Variants in XPO6 observed in about 807,000 individuals in gnomAD.
XPO6 encodes exportin 6, also known as exportin-6.
In XPO6, 3 loss-of-function variants were observed where a neutral mutation model predicts 130.0. The ratio of observed to expected loss-of-function variants is 0.02; its 90% CI spans 0.01 to 0.06. The LOEUF (loss-of-function observed/expected upper bound fraction) is 0.06. XPO6 is among the 10% of genes least tolerant of loss of function. XPO6 has a pLI of 1.00. For synonymous variants in XPO6, 524 were observed against 548.9 expected (o/e 0.95, Z 0.63); for missense variants, 970 against 1,393.0 (o/e 0.70, Z 4.83).
intron 1 of XPO6, among the ~76,000 whole-genome samples, chr16:28,185,674 A>G (rs2043681499): frequency 6.6e-6 from 1 of 152,192 alleles, no homozygotes; most frequent in South Asian, 2.1e-4. Flanking sequence ...CCTGCAGGTA[A>G]CAGTGTGAGC....
chr16:28,198,870 G>A (rs938196240), intron 1 of XPO6, among the ~76,000 whole-genome samples: 15 of 151,542 alleles, frequency 9.9e-5, no homozygotes, highest in Non-Finnish European at 1.5e-4. Context: ...CTGGCCAGGC[G>A]CAGTGGCTCA....
chr16:28,142,057 A>G (rs2042904880), intron 9 of XPO6, among the ~76,000 whole-genome samples: 1 of 152,268 alleles, frequency 6.6e-6, no homozygotes, highest in African/African-American at 2.4e-5. Flanking sequence ...TGAATGATGC[A>G]AAACCTTTAA....
At chr16:28,175,147 CTT>C (rs1329583252) in intron 4 of XPO6, among the ~76,000 whole-genome samples, 1 of 152,034 alleles carries the variant, frequency 6.6e-6, no homozygotes, top group African/African-American at 2.4e-5. Context: ...AGATTCCTCC[CTT>C]CTCTCCCCTC....
chr16:28,147,393 T>C (rs934275800), intron 8 of XPO6, among the ~76,000 whole-genome samples: 2 of 150,348 alleles, frequency 1.3e-5, no homozygotes, highest in African/African-American at 4.9e-5. Context: ...TGAGACTCGG[T>C]GTGTATATTT....
At chr16:28,150,474 T>C (rs758636440) in intron 8 of XPO6, among the ~76,000 whole-genome samples, 14 of 152,186 alleles carry the variant, frequency 9.2e-5, no homozygotes, top group Non-Finnish European at 1.6e-4. Context: ...TCTATTTTCT[T>C]AGGTGAGGAA....
intron 1 of XPO6, among the ~76,000 whole-genome samples, chr16:28,195,229 T>C (rs1484575510): frequency 6.6e-6 from 1 of 151,928 alleles, no homozygotes; most frequent in African/African-American, 2.4e-5. Flanking sequence ...CTTTTGGTGA[T>C]TTTTCCTCCA....
At chr16:28,105,127 G>A (rs2086744912) in intron 20 of XPO6, among the ~76,000 whole-genome samples, 2 of 152,196 alleles carry the variant, frequency 1.3e-5, no homozygotes, top group Non-Finnish European at 2.9e-5. Context: ...GATAAAAAAT[G>A]CTGTCCCACT....
intron 8 of XPO6, among the ~76,000 whole-genome samples, chr16:28,147,648 A>G (rs1352321864): frequency 6.6e-6 from 1 of 152,188 alleles, no homozygotes; most frequent in African/African-American, 2.4e-5. Flanking sequence ...AATAAGCCAC[A>G]TGGAAATGAT....
Position 28,156,489 on chromosome 16 carries a change from C to A in XPO6, c.682G>T (p.Ala228Ser). The part of the protein sequence containing the change: ...LSNLLQSPSS[A>S]KLLNQPIPIL... ...GGAATTGGCTGATTCAACAGTTTGG[C>A]TGAACTGGGACTCTGCAACAGGTTA... The change falls in exon 7 of 24, where the codon GCC (alanine) becomes TCC (serine). Residue 228 changes from alanine to serine, a missense_variant. By Grantham distance (99) the Ala-to-Ser change is moderately conservative. Transcript: ENST00000304658. 2 of 1,596,660 alleles carry A rather than the reference C, an allele frequency of 1.3e-6. No individual in the cohort carries two copies. The highest frequency in any genetic ancestry group is 8.6e-7 in the Non-Finnish European group (1 of 1,168,488).
intron 21 of XPO6, among the ~76,000 whole-genome samples, chr16:28,103,063 T>G (rs2086686655): frequency 6.6e-6 from 1 of 152,186 alleles, no homozygotes; most frequent in Non-Finnish European, 1.5e-5. Context: ...GAGGTTTATC[T>G]TTCTATGAAT....
At chr16:28,131,078 C>T (rs2042659245) in intron 12 of XPO6, among the ~76,000 whole-genome samples, 2 of 152,170 alleles carry the variant, frequency 1.3e-5, no homozygotes, top group African/African-American at 4.8e-5. Flanking sequence ...TTCTACACAG[C>T]CAAATGATTT....
chr16:28,139,214 C>T (rs2042839238), intron 9 of XPO6, among the ~76,000 whole-genome samples: 1 of 152,218 alleles, frequency 6.6e-6, no homozygotes, highest in African/African-American at 2.4e-5. Context: ...AGGGTTCTCT[C>T]CCTCCCTTTC....
intron 4 of XPO6, among the ~76,000 whole-genome samples, chr16:28,170,392 A>G (rs1482867981): frequency 1.3e-5 from 2 of 151,918 alleles, no homozygotes; most frequent in Non-Finnish European, 2.9e-5. Flanking sequence ...CTTTTTAACC[A>G]TTCAAAATAC....
intron 9 of XPO6, among the ~76,000 whole-genome samples, chr16:28,143,666 T>G (rs1180680859): frequency 6.6e-6 from 1 of 152,206 alleles, no homozygotes; most frequent in African/African-American, 2.4e-5. Flanking sequence ...TTAAACAGTC[T>G]CATTCTGTCG....
chr16:28,133,775 T>G, intron 11 of XPO6, 66 bp downstream of exon 11: 1 of 1,468,204 alleles, frequency 6.8e-7, no homozygotes. Flanking sequence ...TCCAGGGGAG[T>G]CAACCAGCCA....
At chr16:28,166,907 G>C in intron 5 of XPO6, 1 of 831,270 alleles carries the variant, frequency 1.2e-6, no homozygotes, top group Non-Finnish European at 1.5e-6. Flanking sequence ...TGGCATTACA[G>C]GCCATTGCCT....
chr16:28,131,886 A>C (rs1300221025), intron 12 of XPO6, among the ~76,000 whole-genome samples: 2 of 152,202 alleles, frequency 1.3e-5, no homozygotes, highest in African/African-American at 4.8e-5. Flanking sequence ...CTTTTCAACC[A>C]GCTCTGGTCA....
chr16:28,117,171 G>A, intron 15 of XPO6, 147 bp downstream of exon 15: 1 of 1,103,436 alleles, frequency 9.1e-7, no homozygotes, highest in Non-Finnish European at 1.3e-6. Flanking sequence ...CAACTAAAAA[G>A]GAACATGAAA....
chr16:28,180,421 G>A (rs1439667759), intron 2 of XPO6, among the ~76,000 whole-genome samples: 1 of 152,058 alleles, frequency 6.6e-6, no homozygotes, highest in African/African-American at 2.4e-5. Flanking sequence ...CCAGGCAGTG[G>A]GAAGCCCCCA....
Sources: allele counts gnomAD v4.1 joint callset (sites outside exome capture counted in the v4.1 genomes callset), GRCh38; gene constraint gnomAD v4.1.1; transcripts MANE v1.5; gene names NCBI Gene and HGNC (gene_info 2026-07-23, HGNC 2026-07-21).